Variants in PABPC3 observed in about 807,000 individuals in gnomAD.
PABPC3 encodes poly(A) binding protein cytoplasmic 3.
PABPC3 carries 43 observed loss-of-function variants against 43.0 expected under a neutral mutation model. The ratio of observed to expected loss-of-function variants is 1.00; its 90% confidence interval spans 0.78 to 1.29. The LOEUF is 1.29. Ranked by LOEUF, PABPC3 falls within the 50% of genes most tolerant of loss-of-function variation. The pLI is 0.00. For missense variants in PABPC3, 784 were observed against 798.1 expected, an observed-to-expected ratio of 0.98 and a Z score of 0.21; for synonymous variants, 221 against 274.6, an observed-to-expected ratio of 0.80 and a Z score of 1.93.
In PABPC3 at chr13:25,096,345, C is replaced by T. The variant is rs190632805; in HGVS notation, c.147C>T (p.Ser49=). The T allele has an allele frequency of 3.1e-6, 5 of 1,614,236 alleles. No homozygotes were observed. In the Admixed American group the frequency reaches 5.0e-5, roughly 16 times the overall value. ...SIRICRDLIT[S]GSSNYAYVNF... is the part of the protein sequence containing the mutation. Reference sequence around the variant, plus strand: ...GGATCTGCAGGGACTTGATCACCAGCGGCTCCTCCAACTACGCGTATGTGA... The same window carrying T: ...GGATCTGCAGGGACTTGATCACCAGTGGCTCCTCCAACTACGCGTATGTGA... Residue 49 remains serine, a synonymous_variant, in exon 1 of 1, where the codon AGC becomes AGT. Transcript: ENST00000281589.
Position 25,097,141 on chromosome 13 carries a change from T to A in PABPC3, c.943T>A (p.Ser315Thr). The A allele has an allele frequency of 6.2e-7, 1 of 1,613,632 alleles. No individual in the cohort carries two copies. Among genetic ancestry groups the A allele is most frequent in the East Asian group, 2.2e-5 (1 of 44,882 alleles). Residue 315 changes from serine to threonine, a missense_variant, in exon 1 of 1, where the codon TCT becomes ACT. By Grantham distance (58) the Ser-to-Thr change is moderately conservative (BLOSUM62 1). Transcript: ENST00000281589. ...TGATGAACGTCTCCGGAAAGCGTTT[T>A]CTCCATTTGGTACAATCACTAGTGC... ...IDDERLRKAF[S>T]PFGTITSAKV...
Position 25,097,385 on chromosome 13 carries a change from G to A in PABPC3, c.1187G>A (p.Arg396Gln), listed in dbSNP as rs772027097. 6.2e-7 allele frequency: 1 copy of A among 1,600,100 alleles called. No homozygotes were observed. Reference protein sequence around the residue: ...MASVRAVPNQRAPPSGYFMTA... With the variant: ...MASVRAVPNQQAPPSGYFMTA... ...AGTGTACGAGCTGTGCCCAACCAGC[G>A]AGCACCTCCTTCAGGTTACTTCATG... Residue 396 changes from arginine (R) to glutamine (Q), a missense_variant, in exon 1 of 1, where the codon CGA becomes CAA. Transcript: ENST00000281589.
In PABPC3 at chr13:25,097,670, C is replaced by G. The variant is rs767420436; in HGVS notation, c.1472C>G (p.Ala491Gly). 2 of 1,612,628 alleles carry G rather than the reference C, an allele frequency of 1.2e-6. No homozygotes were observed. Among genetic ancestry groups the G allele is most frequent in the Non-Finnish European group, 1.7e-6 (2 of 1,178,930 alleles). ...ACAGTGGGTCCACGTCCTGCAGCTG[C>G]TGCTGCTGCTGCAGCTACCCCTGCT... The part of the protein sequence containing the change: ...TQTVGPRPAA[A>G]AAAAATPAVR... The change falls in exon 1 of 1, where the codon GCT (alanine) becomes GGT (glycine). Residue 491 changes from alanine to glycine, a missense_variant. Physicochemically the swap from Ala to Gly is moderately conservative, Grantham distance 60 (BLOSUM62 0). Coordinates refer to ENST00000281589, the MANE Select transcript of PABPC3 (RefSeq NM_030979.3).
chr13:25,097,065 C>G lies in PABPC3; in HGVS notation c.867C>G (p.Thr289=). Residue 289 remains threonine (T), a synonymous_variant, in exon 1 of 1, where the codon ACC becomes ACG. Transcript: ENST00000281589. ...AACAGATGAAGCAAGATAGGATCAC[C>G]AGATACCAGGTTGTTAATCTTTATG... ...TFEQMKQDRI[T]RYQVVNLYVK... 1 of 1,614,268 alleles carries G rather than the reference C, an allele frequency of 6.2e-7. No individual in the cohort carries two copies. Among genetic ancestry groups the G allele is most frequent in the Non-Finnish European group, 8.5e-7 (1 of 1,180,038 alleles).
In PABPC3 at chr13:25,097,936, T is replaced by A. The variant is rs540060822; in HGVS notation, c.1738T>A (p.Leu580Met). 6.2e-6 allele frequency: 10 copies of A among 1,614,022 alleles called. No homozygotes were observed. The African/African-American group carries it at 1.2e-4, about 19-fold the overall frequency. ...TCTTGCTGGGAAAATCACTGGCATG[T>A]TGTTGGAGATTGATAATTCAGAACT... ...PTLAGKITGM[L>M]LEIDNSELLY... Residue 580 changes from leucine to methionine, a missense_variant, in exon 1 of 1, where the codon TTG becomes ATG. Coordinates refer to ENST00000281589, the MANE Select transcript of PABPC3 (RefSeq NM_030979.3).
rs139134052 is a variant in PABPC3, at chr13:25,097,688, C to A, written c.1490C>A (p.Thr497Asn). 4 of 1,614,090 alleles carry A rather than the reference C, an allele frequency of 2.5e-6. No homozygotes were observed. The highest frequency in any genetic ancestry group is 3.4e-6 in the Non-Finnish European group (4 of 1,180,030). Residue 497 changes from threonine to asparagine, a missense_variant, in exon 1 of 1, where the codon ACC (threonine) becomes AAC (asparagine). By Grantham distance (65) the Thr-to-Asn change is moderately conservative. Transcript: ENST00000281589. The part of the protein sequence containing the change: ...RPAAAAAAAA[T>N]PAVRTVPRYK... The stretch of plus-strand genomic sequence containing the variant: ...GCAGCTGCTGCTGCTGCTGCAGCTA[C>A]CCCTGCTGTGCGCACGGTTCCACGG...
At position 25,097,027 on chromosome 13, in the gene PABPC3, A is replaced by C. The variant is rs1229618636; in HGVS notation, c.829A>C (p.Lys277Gln). ...AAAAGTGGAACGGCAGACGGAACTT[A>C]AGCGCACATTTGAACAGATGAAGCA... ...QKKVERQTEL[K>Q]RTFEQMKQDR... The change falls in exon 1 of 1, where the codon AAG becomes CAG. Residue 277 changes from lysine (K) to glutamine (Q), a missense_variant. Lys to Gln is a moderately conservative substitution (Grantham distance 53). Coordinates refer to ENST00000281589, the MANE Select transcript of PABPC3 (RefSeq NM_030979.3). The C allele has an allele frequency of 5.7e-6, 9 of 1,571,440 alleles. No individual in the cohort carries two copies. Among genetic ancestry groups the C allele is most frequent in the Admixed American group, 1.9e-5 (1 of 53,820 alleles).
At chr13:25,097,807 C>T in the PABPC3 span, 2 of 1,614,098 alleles carry the variant, frequency 1.2e-6, no homozygotes, top group Admixed American at 1.7e-5. Flanking sequence ...TGTACAAGGT[C>T]AGGAAACTTT....
Position 25,096,159 on chromosome 13 carries a change from A to G in PABPC3, c.-40A>G. On this transcript the variant is annotated 5_prime_UTR_variant, in exon 1 of 1. Coordinates refer to ENST00000281589, the MANE Select transcript of PABPC3 (RefSeq NM_030979.3). ...GCACGCGCTCTACTCCTGTAACGGA[A>G]AGGTCGCGGCTTGTGTGCCTGCGGG... 1 of 1,580,882 alleles carries G rather than the reference A, an allele frequency of 6.3e-7. No individual in the cohort carries two copies. Among genetic ancestry groups the G allele is most frequent in the South Asian group, 1.2e-5 (1 of 86,056 alleles).
chr13:25,099,126 C>T lies in PABPC3; in HGVS notation c.*1032C>T, dbSNP rs1378630526. On this transcript the variant is annotated 3_prime_UTR_variant, in exon 1 of 1. Coordinates refer to ENST00000281589, the MANE Select transcript of PABPC3 (RefSeq NM_030979.3). Reference sequence around the variant, plus strand: ...TAAATATTTATAATTAATGTTACACCTAGTGAATTGTATAAAAGGACAGCC... The same window carrying T: ...TAAATATTTATAATTAATGTTACACTTAGTGAATTGTATAAAAGGACAGCC... 6.0e-6 allele frequency: 1 copy of T among 165,498 alleles called. No individual in the cohort carries two copies. Among genetic ancestry groups the T allele is most frequent in the Non-Finnish European group, 1.5e-5 (1 of 67,856 alleles). 10.3% of individuals were successfully genotyped at this position (165,498 alleles called of 1,614,324 possible). A position where few individuals can be genotyped will look rare whatever the true frequency, so the allele number is the denominator to read the frequency against.
rs779631565 is a variant in PABPC3 at position 25,096,871 on chromosome 13, G to A, written c.673G>A (p.Asp225Asn). ...GPALSVKVMT[D>N]ESGKSKGFGF... Reference sequence around the variant, plus strand: ...CGCCTTAAGTGTGAAAGTAATGACCGATGAAAGTGGAAAATCCAAAGGATT... The same window carrying A: ...CGCCTTAAGTGTGAAAGTAATGACCAATGAAAGTGGAAAATCCAAAGGATT... The change falls in exon 1 of 1, where the codon GAT (aspartate) becomes AAT (asparagine). Residue 225 changes from aspartate (D) to asparagine (N), a missense_variant. Coordinates refer to ENST00000281589, the MANE Select transcript of PABPC3 (RefSeq NM_030979.3). 8 of 1,614,272 alleles carry A rather than the reference G, an allele frequency of 5.0e-6. 1 individual carries two copies. The highest frequency in any genetic ancestry group is 3.3e-5 in the South Asian group (3 of 91,088).
At position 25,098,145 on chromosome 13, in the gene PABPC3, T is replaced by G. The variant is rs764379352; in HGVS notation, c.*51T>G. ...ATTTGTGCTTCACCGAAGAAAAATA[T>G]CTAAACATCGAGAAACTATGGGAAA... is the stretch of plus-strand genomic sequence containing the variant. On this transcript the variant is annotated 3_prime_UTR_variant, in exon 1 of 1. Transcript: ENST00000281589. 1 of 1,482,888 alleles carries G rather than the reference T, an allele frequency of 6.7e-7. No homozygotes were observed. The highest frequency in any genetic ancestry group is 9.3e-7 in the Non-Finnish European group (1 of 1,076,394). 91.9% of individuals were successfully genotyped at this position (1,482,888 alleles called of 1,614,324 possible).
In PABPC3 at chr13:25,096,380, A is replaced by G. The variant is rs1369103858; in HGVS notation, c.182A>G (p.His61Arg). ...SSNYAYVNFQ[H>R]TKDAEHALDT... ...AACTACGCGTATGTGAACTTCCAGC[A>G]TACGAAGGACGCGGAGCATGCTCTG... Residue 61 changes from histidine (H) to arginine (R), a missense_variant, in exon 1 of 1, where the codon CAT (histidine) becomes CGT (arginine). His to Arg is a conservative substitution (Grantham distance 29, BLOSUM62 0). Coordinates refer to ENST00000281589, the MANE Select transcript of PABPC3 (RefSeq NM_030979.3). The G allele has an allele frequency of 1.2e-6, 2 of 1,614,248 alleles. No individual in the cohort carries two copies. Among genetic ancestry groups the G allele is most frequent in the South Asian group, 1.1e-5 (1 of 91,084 alleles).
At position 25,096,181 on chromosome 13, in the gene PABPC3, C is replaced by CG. The variant is rs768845432; in HGVS notation, c.-15dup. 11 of 1,598,962 alleles carry CG rather than the reference C, an allele frequency of 6.9e-6. No homozygotes were observed. In the African/African-American group the frequency reaches 1.3e-4, roughly 19 times the overall value. ...GGAAAGGTCGCGGCTTGTGTGCCTGCGGGCAGCCGTGCCGAGAATGAACCC... is the reference window on the plus strand; with the variant it reads ...GGAAAGGTCGCGGCTTGTGTGCCTGCGGGGCAGCCGTGCCGAGAATGAACCC... On this transcript the variant is annotated 5_prime_UTR_variant, in exon 1 of 1. Coordinates refer to ENST00000281589, the MANE Select transcript of PABPC3 (RefSeq NM_030979.3).
chr13:25,096,214 C>G lies in PABPC3; in HGVS notation c.16C>G (p.Pro6Ala), dbSNP rs761928787. The G allele has an allele frequency of 1.2e-6, 2 of 1,613,204 alleles. No individual in the cohort carries two copies. Among genetic ancestry groups the G allele is most frequent in the Non-Finnish European group, 8.5e-7 (1 of 1,179,304 alleles). Reference sequence around the variant, plus strand: ...CGTGCCGAGAATGAACCCCAGCACCCCCAGCTACCCAACGGCCTCGCTCTA... The same window carrying G: ...CGTGCCGAGAATGAACCCCAGCACCGCCAGCTACCCAACGGCCTCGCTCTA... The part of the protein sequence containing the change: MNPST[P>A]SYPTASLYVG... Residue 6 changes from proline (P) to alanine (A), a missense_variant, in exon 1 of 1, where the codon CCC (proline) becomes GCC (alanine). By Grantham distance (27) the Pro-to-Ala change is conservative (BLOSUM62 -1). Coordinates refer to ENST00000281589, the MANE Select transcript of PABPC3 (RefSeq NM_030979.3).
At position 25,096,647 on chromosome 13, in the gene PABPC3, C is replaced by T. The variant is rs748009259; in HGVS notation, c.449C>T (p.Ala150Val). The change falls in exon 1 of 1, where the codon GCA (alanine) becomes GTA (valine). Residue 150 changes from alanine to valine, a missense_variant. Physicochemically the swap from Ala to Val is moderately conservative, Grantham distance 64 (BLOSUM62 0). Coordinates refer to ENST00000281589, the MANE Select transcript of PABPC3 (RefSeq NM_030979.3). ...TTTGTACACTTTGAGACACACGAAG[C>T]AGCTGAAAGAGCTATTAAAAAAATG... The part of the protein sequence containing the change: ...YGFVHFETHE[A>V]AERAIKKMNG... 5 of 1,614,234 alleles carry T rather than the reference C, an allele frequency of 3.1e-6. 1 individual carries two copies. The South Asian group carries it at 5.5e-5, about 18-fold the overall frequency.
Position 25,097,325 on chromosome 13 carries a change from C to T in PABPC3, c.1127C>T (p.Ala376Val). 1 of 1,614,264 alleles carries T rather than the reference C, an allele frequency of 6.2e-7. No homozygotes were observed. Among genetic ancestry groups the T allele is most frequent in the Non-Finnish European group, 8.5e-7 (1 of 1,180,046 alleles). ...ALAQRKEERQ[A>V]YLTNEYMQRM... ...GCTCAGCGCAAAGAAGAGCGCCAGG[C>T]TTACCTCACTAACGAGTATATGCAG... Residue 376 changes from alanine to valine, a missense_variant, in exon 1 of 1, where the codon GCT (alanine) becomes GTT (valine). Transcript: ENST00000281589.
At position 25,097,567 on chromosome 13, in the gene PABPC3, T is replaced by C. The variant is rs760965547; in HGVS notation, c.1369T>C (p.Phe457Leu). 3.1e-6 allele frequency: 5 copies of C among 1,614,210 alleles called. No homozygotes were observed. Among genetic ancestry groups the C allele is most frequent in the Non-Finnish European group, 4.2e-6 (5 of 1,180,032 alleles). ...AIRPGAPRVP[F>L]STMRPASSQV... ...CCGCCCAGGTGCTCCTAGAGTACCATTTAGTACTATGAGACCAGCTTCTTC... is the reference window on the plus strand; with the variant it reads ...CCGCCCAGGTGCTCCTAGAGTACCACTTAGTACTATGAGACCAGCTTCTTC... The change falls in exon 1 of 1, where the codon TTT becomes CTT. Residue 457 changes from phenylalanine to leucine, a missense_variant. Phe to Leu is a conservative substitution (Grantham distance 22, BLOSUM62 0). Transcript: ENST00000281589.
In PABPC3 at chr13:25,097,095, A is replaced by C; in HGVS notation, c.897A>C (p.Lys299Asn). ...TRYQVVNLYV[K>N]NLDDGIDDER... ...ACCAGGTTGTTAATCTTTATGTGAAAAATCTTGATGATGGTATTGATGATG... is the reference window on the plus strand; with the variant it reads ...ACCAGGTTGTTAATCTTTATGTGAACAATCTTGATGATGGTATTGATGATG... The change falls in exon 1 of 1, where the codon AAA (lysine) becomes AAC (asparagine). Residue 299 changes from lysine to asparagine, a missense_variant. By Grantham distance (94) the Lys-to-Asn change is moderately conservative. Transcript: ENST00000281589. 1 of 1,614,300 alleles carries C rather than the reference A, an allele frequency of 6.2e-7. No homozygotes were observed. The highest frequency in any genetic ancestry group is 8.5e-7 in the Non-Finnish European group (1 of 1,180,050).
Sources: gnomAD v4.1 joint callset for allele counts on GRCh38, gnomAD v4.1.1 for gene constraint, MANE v1.5 for transcripts, NCBI Gene and HGNC (gene_info 2026-07-23, HGNC 2026-07-21) for gene names.